Variants in MTG2 observed in about 807,000 individuals in gnomAD.
MTG2 encodes the protein mitochondrial ribosome associated GTPase 2.
MTG2 carries 23 observed loss-of-function variants against 28.6 expected under a neutral mutation model. That is an observed-to-expected ratio of 0.80 (90% CI 0.58 to 1.14). The LOEUF (loss-of-function observed/expected upper bound fraction) is 1.14. MTG2 is among the 50% of genes most tolerant of loss of function. The probability of loss-of-function intolerance (pLI) is 0.00; values close to 1 mark genes in which losing one functional copy is unlikely to be tolerated. For synonymous variants in MTG2, 260 were observed against 251.8 expected (o/e 1.03, Z -0.31); for missense variants, 539 against 552.0 (o/e 0.98, Z 0.24).
chr20:62,191,806 A>G (rs1159766881), intron 1 of MTG2, among the ~76,000 whole-genome samples: 1 of 152,108 alleles, frequency 6.6e-6, no homozygotes, highest in Middle Eastern at 3.2e-3. Flanking sequence ...ATTTGTGCTC[A>G]TGGTGAAGGG....
chr20:62,183,279 C>T (rs1310647187), intron 1 of MTG2, among the ~76,000 whole-genome samples: 4 of 152,154 alleles, frequency 2.6e-5, no homozygotes, highest in African/African-American at 9.7e-5. Context: ...TGGGGAGCGG[C>T]GCCTTGCTCC....
At chr20:62,199,611 A>G (rs1406970854) in intron 6 of MTG2, among the ~76,000 whole-genome samples, 1 of 135,804 alleles carries the variant, frequency 7.4e-6, no homozygotes, top group East Asian at 2.3e-4. Flanking sequence ...ATGCCACTGC[A>G]CTCCAGCCTG....
In MTG2 at chr20:62,203,158, C is replaced by T. The variant is rs991294986; in HGVS notation, c.*2081C>T. On this transcript the variant is annotated 3_prime_UTR_variant, in exon 7 of 7. Transcript: ENST00000370823. ...TATCCCTGGCTTTCATCTTGATGCT[C>T]TTGCAGGGGAGGCTCAAGATGCCTT... 3.3e-5 allele frequency: 5 copies of T among 152,216 alleles called. No homozygotes were observed. Among genetic ancestry groups the T allele is most frequent in the African/African-American group, 1.2e-4 (5 of 41,450 alleles). 9.4% of individuals were successfully genotyped at this position (152,216 alleles called of 1,614,324 possible).
chr20:62,185,858 A>G (rs922796338), intron 1 of MTG2, among the ~76,000 whole-genome samples: 1 of 152,212 alleles, frequency 6.6e-6, no homozygotes, highest in African/African-American at 2.4e-5. Flanking sequence ...GACACCAAAG[A>G]GCAGCGTGAA....
chr20:62,198,864 C>T lies in MTG2; in HGVS notation c.687+12C>T. 1 of 1,613,844 alleles carries T rather than the reference C, an allele frequency of 6.2e-7. No homozygotes were observed. On this transcript the variant is annotated intron_variant, in intron 5 of 6. Transcript: ENST00000370823. ...CCCACGCCGGAATGGTAGGTGTCCC[C>T]ACTGCCAACAGCATCTGCACACACT...
chr20:62,186,605 G>A (rs539573291), intron 1 of MTG2, among the ~76,000 whole-genome samples: 2 of 144,860 alleles, frequency 1.4e-5, no homozygotes, highest in Non-Finnish European at 3.0e-5. Context: ...CTCGGCTCAC[G>A]GCAGCGTCTG....
At chr20:62,193,101 T>G (rs966292167) in intron 1 of MTG2, among the ~76,000 whole-genome samples, 1 of 152,234 alleles carries the variant, frequency 6.6e-6, no homozygotes, top group Non-Finnish European at 1.5e-5. Flanking sequence ...CACTTCAGAT[T>G]TCCTTTTTAA....
chr20:62,192,694 AC>A (rs1442437352), intron 1 of MTG2, among the ~76,000 whole-genome samples: 1 of 151,956 alleles, frequency 6.6e-6, no homozygotes, highest in Middle Eastern at 3.2e-3. Context: ...CTCTCCTGTC[AC>A]CTGGGAAGTC....
rs758315602 is a variant in MTG2, at chr20:62,200,872, C to T, written c.1016C>T (p.Pro339Leu). The T allele has an allele frequency of 8.7e-6, 14 of 1,613,890 alleles. No homozygotes were observed. The highest frequency in any genetic ancestry group is 3.3e-5 in the Admixed American group (2 of 60,014). Residue 339 changes from proline (P) to leucine (L), a missense_variant, in exon 7 of 7, where the codon CCC becomes CTC. Coordinates refer to ENST00000370823, the MANE Select transcript of MTG2 (RefSeq NM_015666.4). ...TATGAAAAGGGCCTGTCTGCGAGGC[C>T]CCACGCAATCGTCGCAAACAAGATT... Reference protein sequence around the residue: ...EMYEKGLSARPHAIVANKIDL... With the variant: ...EMYEKGLSARLHAIVANKIDL...
At chr20:62,188,447 C>T (rs1009053465) in intron 1 of MTG2, among the ~76,000 whole-genome samples, 1 of 151,688 alleles carries the variant, frequency 6.6e-6, no homozygotes, top group Non-Finnish European at 1.5e-5. Context: ...GATCCTCCCA[C>T]CTTAGCCTCC....
At chr20:62,185,591 C>T (rs2057826997) in intron 1 of MTG2, among the ~76,000 whole-genome samples, 2 of 152,032 alleles carry the variant, frequency 1.3e-5, no homozygotes, top group Non-Finnish European at 2.9e-5. Context: ...GAGGTGAGAT[C>T]ATGCTATTGC....
At position 62,195,784 on chromosome 20, in the gene MTG2, T is replaced by G. The variant is rs1380836684; in HGVS notation, c.205-18T>G. ...CTTGGAGTGTTGAGATGACGTGGGA[T>G]ATTTGTGTTCTCTGTAGAAAAGGTA... On this transcript the variant is annotated intron_variant, in intron 2 of 6. Transcript: ENST00000370823. 1 of 1,613,762 alleles carries G rather than the reference T, an allele frequency of 6.2e-7. No homozygotes were observed.
At chr20:62,193,129 A>T (rs2236528) in intron 1 of MTG2, among the ~76,000 whole-genome samples, 34,739 of 152,076 alleles carry the variant, frequency 0.23, 4,189 homozygotes, top group South Asian at 0.39. Flanking sequence ...GTTGAGCGGA[A>T]CCTTGCTATT....
chr20:62,191,921 A>C (rs1030235624), intron 1 of MTG2, among the ~76,000 whole-genome samples: 9 of 152,238 alleles, frequency 5.9e-5, no homozygotes, highest in African/African-American at 2.2e-4. Context: ...AATGAGTGAC[A>C]GCTTAAATGA....
At chr20:62,186,529 T>TTG (rs2057850298) in intron 1 of MTG2, among the ~76,000 whole-genome samples, 1 of 34,178 alleles carries the variant, frequency 2.9e-5, no homozygotes, top group Admixed American at 2.4e-4. Flanking sequence ...TTTTTTTTTG[T>TTG]TTTTTTTTTT....
chr20:62,189,235 G>A (rs2057907178), intron 1 of MTG2, among the ~76,000 whole-genome samples: 1 of 151,874 alleles, frequency 6.6e-6, no homozygotes, highest in African/African-American at 2.4e-5. Context: ...AGTACAGGAA[G>A]TCAAGGCTGT....
At chr20:62,185,206 G>T (rs1180194906) in intron 1 of MTG2, among the ~76,000 whole-genome samples, 2 of 152,010 alleles carry the variant, frequency 1.3e-5, no homozygotes, top group Non-Finnish European at 2.9e-5. Context: ...GAGATCAGGA[G>T]TTCAAGACCA....
chr20:62,190,778 G>T (rs181817299), intron 1 of MTG2, among the ~76,000 whole-genome samples: 2 of 152,250 alleles, frequency 1.3e-5, no homozygotes, highest in Non-Finnish European at 2.9e-5. Flanking sequence ...CGGCTGCGGG[G>T]GCACTGGGGA....
chr20:62,190,124 G>A (rs547129482), intron 1 of MTG2, among the ~76,000 whole-genome samples: 2 of 152,138 alleles, frequency 1.3e-5, no homozygotes, highest in Non-Finnish European at 2.9e-5. Flanking sequence ...TTTCGGATCT[G>A]TGTCTTTGTG....
Sources: gnomAD v4.1 joint callset for allele counts (sites outside exome capture counted in the v4.1 genomes callset) on GRCh38, gnomAD v4.1.1 for gene constraint, MANE v1.5 for transcripts, NCBI Gene and HGNC (gene_info 2026-07-23, HGNC 2026-07-21) for gene names.